The following PARD3 variants were observed in gnomAD, a reference collection of about 807,000 sequenced individuals.
PARD3 encodes the protein partitioning defective 3 homolog.
PARD3 carries 75 observed loss-of-function variants against 155.4 expected under a neutral mutation model. That is an observed-to-expected ratio of 0.48 (90% CI 0.40 to 0.58). The LOEUF is 0.58. Among genes scored for constraint, PARD3 ranks in the 20% least tolerant of loss-of-function variants. The pLI is 0.00. For synonymous variants in PARD3, 576 were observed against 610.5 expected (o/e 0.94, Z 0.83); for missense variants, 1,642 against 1,721.7 (o/e 0.95, Z 0.82).
intron 1 of PARD3, among the ~76,000 whole-genome samples, chr10:34,784,965 A>C (rs1323926135): frequency 1.3e-5 from 2 of 152,296 alleles, no homozygotes; most frequent in Non-Finnish European, 2.9e-5. Context: ...CAGAAATCTC[A>C]TCACTAAGTT....
chr10:34,310,132 G>A (rs1589135788), intron 20 of PARD3, among the ~76,000 whole-genome samples: 1 of 152,124 alleles, frequency 6.6e-6, no homozygotes, highest in Non-Finnish European at 1.5e-5. Context: ...CTTGATACAA[G>A]TACATTTAGG....
At chr10:34,743,844 G>A (rs1218182086) in intron 1 of PARD3, among the ~76,000 whole-genome samples, 1 of 152,106 alleles carries the variant, frequency 6.6e-6, no homozygotes, top group African/African-American at 2.4e-5. Flanking sequence ...CCACAATCAC[G>A]CCTGGCTGCA....
intron 7 of PARD3, among the ~76,000 whole-genome samples, chr10:34,388,193 G>A (rs1278550186): frequency 6.6e-6 from 1 of 152,178 alleles, no homozygotes; most frequent in Non-Finnish European, 1.5e-5. Flanking sequence ...TTAAGGTGAA[G>A]TTAGTAGCCT....
intron 3 of PARD3, among the ~76,000 whole-genome samples, chr10:34,471,107 T>C (rs989454615): frequency 1.2e-4 from 19 of 152,194 alleles, no homozygotes; most frequent in African/African-American, 4.6e-4. Flanking sequence ...TGTCAGAAAG[T>C]GTAGTGCCCA....
chr10:34,488,540 G>A (rs1287559515), intron 3 of PARD3: 1 of 152,120 alleles, frequency 6.6e-6, no homozygotes, highest in Non-Finnish European at 1.5e-5. Context: ...TCTTTTACTG[G>A]GGGAAGTGGG....
Position 34,214,922 on chromosome 10 carries a change from G to A in PARD3, c.3419+54735C>T, listed in dbSNP as rs79576925. ...ATGATCAGGCCTGGTTTCTTTTAAGGGTGAGACGCAGTCAGGAATGTAACA... is the reference window on the plus strand; with the variant it reads ...ATGATCAGGCCTGGTTTCTTTTAAGAGTGAGACGCAGTCAGGAATGTAACA... On this transcript the variant is annotated intron_variant, in intron 22 of 24. Transcript: ENST00000374788. 5.0e-3 allele frequency among the ~76,000 whole-genome samples: 763 copies of A among 152,210 alleles called. 2 individuals are homozygous for A. The highest frequency in any genetic ancestry group is 0.016 in the African/African-American group (678 of 41,512).
chr10:34,238,923 T>C (rs1040933077), intron 22 of PARD3, among the ~76,000 whole-genome samples: 5 of 152,232 alleles, frequency 3.3e-5, no homozygotes, highest in Non-Finnish European at 5.9e-5. Flanking sequence ...AACTTCAGAA[T>C]AGAAATTTAA....
chr10:34,274,974 C>T (rs1955806187), intron 21 of PARD3, among the ~76,000 whole-genome samples: 2 of 152,026 alleles, frequency 1.3e-5, no homozygotes, highest in African/African-American at 4.8e-5. Flanking sequence ...TTCCAAATGA[C>T]GCAGAAAATA....
At chr10:34,626,835 C>T (rs544693175) in intron 2 of PARD3, among the ~76,000 whole-genome samples, 2 of 152,288 alleles carry the variant, frequency 1.3e-5, no homozygotes, top group African/African-American at 2.4e-5. Flanking sequence ...ATGGAATGTG[C>T]ACATCCAAAG....
intron 20 of PARD3, among the ~76,000 whole-genome samples, chr10:34,309,203 G>A (rs1957568661): frequency 6.6e-6 from 1 of 152,156 alleles, no homozygotes; most frequent in Non-Finnish European, 1.5e-5. Context: ...AGGGCTAAGA[G>A]AGAATTTTCT....
intron 2 of PARD3, among the ~76,000 whole-genome samples, chr10:34,550,750 A>G (rs1035427922): frequency 2.0e-5 from 3 of 152,202 alleles, no homozygotes; most frequent in Non-Finnish European, 2.9e-5. Flanking sequence ...TCTTTTAACT[A>G]TTAGTTTAAA....
rs559009020 is a variant in PARD3 at position 34,167,661 on chromosome 10, G to A, written c.3420-36078C>T. Among the ~76,000 whole-genome samples, 11 of 152,166 alleles carry A rather than the reference G, an allele frequency of 7.2e-5. No individual in the cohort carries two copies. In the East Asian group the frequency reaches 2.1e-3, roughly 29 times the overall value. ...GAGAACGCATATGGAAAGCAGAACCGAATAAAATAGAAAAACGTTTTGCTT... is the reference window on the plus strand; with the variant it reads ...GAGAACGCATATGGAAAGCAGAACCAAATAAAATAGAAAAACGTTTTGCTT... On this transcript the variant is annotated intron_variant, in intron 22 of 24. Transcript: ENST00000374788.
At chr10:34,374,525 G>A (rs1438777672) in intron 11 of PARD3, among the ~76,000 whole-genome samples, 2 of 152,160 alleles carry the variant, frequency 1.3e-5, no homozygotes, top group Non-Finnish European at 2.9e-5. Context: ...CAGTGTGGAA[G>A]ATGGCAAGCT....
chr10:34,770,507 A>T (rs1436945760), intron 1 of PARD3, among the ~76,000 whole-genome samples: 4 of 152,194 alleles, frequency 2.6e-5, no homozygotes, highest in African/African-American at 9.7e-5. Flanking sequence ...CCTGAGGGTC[A>T]GGAAGAACTG....
At chr10:34,281,338 C>T (rs1048759755) in intron 21 of PARD3, among the ~76,000 whole-genome samples, 1 of 152,102 alleles carries the variant, frequency 6.6e-6, no homozygotes, top group Admixed American at 6.6e-5. Flanking sequence ...AAATAGGGTA[C>T]CTAGGTTCAG....
intron 22 of PARD3, among the ~76,000 whole-genome samples, chr10:34,197,750 A>G (rs1399955690): frequency 6.6e-6 from 1 of 152,146 alleles, no homozygotes; most frequent in Non-Finnish European, 1.5e-5. Context: ...ATTTATTTTG[A>G]GACACAGTCT....
At chr10:34,395,989 C>T (rs1564665500) in intron 7 of PARD3, among the ~76,000 whole-genome samples, 4 of 152,164 alleles carry the variant, frequency 2.6e-5, no homozygotes, top group Non-Finnish European at 1.5e-5. Context: ...ATTAATGCCC[C>T]TGATTGAAAA....
Position 34,678,055 on chromosome 10 carries a change from AATTT to A in PARD3, c.222+18259_222+18262del, listed in dbSNP as rs751888876. ...AATTCTTTTTAAAAAATGTTTTTTT[AATTT>A]ATTTATTTATTTATTTAATTTATTT... On this transcript the variant is annotated intron_variant, in intron 2 of 24. Coordinates refer to ENST00000374788, the MANE Select transcript of PARD3 (RefSeq NM_001184785.2). Among the ~76,000 whole-genome samples, 260 of 151,920 alleles carry A rather than the reference AATTT, an allele frequency of 1.7e-3. 3 individuals carry two copies. Among genetic ancestry groups the A allele is most frequent in the Admixed American group, 3.5e-3 (54 of 15,266 alleles).
At chr10:34,146,080 A>G (rs1948491748) in intron 22 of PARD3, among the ~76,000 whole-genome samples, 1 of 152,072 alleles carries the variant, frequency 6.6e-6, no homozygotes, top group Non-Finnish European at 1.5e-5. Flanking sequence ...TTCTATATTA[A>G]CTATGTCCAT....
Sources: gnomAD v4.1 joint callset for allele counts (sites outside exome capture counted in the v4.1 genomes callset) on GRCh38, gnomAD v4.1.1 for gene constraint, MANE v1.5 for transcripts, NCBI Gene and HGNC (gene_info 2026-07-23, HGNC 2026-07-21) for gene names.